Variants in GSTT4 observed in about 807,000 individuals in gnomAD.
GSTT4 encodes glutathione S-transferase theta-4.
At position 23,998,436 on chromosome 22, in the gene GSTT4, A is replaced by G. The variant is rs2034143552; in HGVS notation, c.*106T>C. 6.7e-6 allele frequency: 1 copy of G among 148,992 alleles called. No individual in the cohort carries two copies. The highest frequency in any genetic ancestry group is 1.5e-5 in the Non-Finnish European group (1 of 67,054). The allele number at this position is 148,992 out of a possible 1,614,324, so 9.2% of individuals were successfully genotyped here. ...TCCAGTTCTTTATTAGGCAAAGAACAGTTGTTTTTTTGTTTTTTTGTTTTT... is the reference window on the plus strand; with the variant it reads ...TCCAGTTCTTTATTAGGCAAAGAACGGTTGTTTTTTTGTTTTTTTGTTTTT... On this transcript the variant is annotated 3_prime_UTR_variant, in exon 5 of 5. Coordinates refer to ENST00000621179, the MANE Select transcript of GSTT4 (RefSeq NM_001358664.2).
chr22:24,002,521 C>A (rs1330030705), intron 2 of GSTT4, among the ~76,000 whole-genome samples: 2 of 152,256 alleles, frequency 1.3e-5, no homozygotes, highest in African/African-American at 4.8e-5. Context: ...GGAGAGACAG[C>A]AACTGGCTGC....
chr22:23,999,858 C>G (rs1172156394), intron 4 of GSTT4, among the ~76,000 whole-genome samples: 3 of 152,042 alleles, frequency 2.0e-5, no homozygotes, highest in Non-Finnish European at 4.4e-5. Flanking sequence ...GAATCTTTGT[C>G]AAGTGTGGAG....
the GSTT4 span, chr22:23,991,197 CAT>C: frequency 1.0e-5 from 1 of 97,254 alleles, no homozygotes; most frequent in African/African-American, 3.2e-5. Context: ...AAAATAATAA[CAT>C]AGATAATTAT....
intron 2 of GSTT4, among the ~76,000 whole-genome samples, chr22:24,002,614 G>A (rs8140144): frequency 0.36 from 25,079 of 69,050 alleles, 2,141 homozygotes; most frequent in Middle Eastern, 0.4. Flanking sequence ...GGGGATCATG[G>A]GGTCAGGAGA....
intron 4 of GSTT4, among the ~76,000 whole-genome samples, chr22:23,999,199 C>T (rs1051613422): frequency 1.3e-5 from 2 of 150,892 alleles, no homozygotes; most frequent in Non-Finnish European, 3.0e-5. Context: ...CGCTGGCTTA[C>T]TAAGAGTTTG....
At chr22:23,992,731 A>T in the GSTT4 span, among the ~76,000 whole-genome samples, 1 of 151,768 alleles carries the variant, frequency 6.6e-6, no homozygotes, top group African/African-American at 2.4e-5. Flanking sequence ...GTTGTTCTCC[A>T]GTCTCCCAGC....
chr22:23,997,334 G>A (rs535148591), downstream of GSTT4, among the ~76,000 whole-genome samples: 95 of 151,890 alleles, frequency 6.3e-4, 1 homozygote, highest in Admixed American at 1.6e-3. Flanking sequence ...CTCCCACCTC[G>A]GCCACCCAGT....
At chr22:23,996,265 T>A (rs2034114063), downstream of GSTT4, among the ~76,000 whole-genome samples, 1 of 152,138 alleles carries the variant, frequency 6.6e-6, no homozygotes, top group African/African-American at 2.4e-5. Flanking sequence ...TTAGCTCTAA[T>A]GGTTTTTAAG....
chr22:23,995,804 CT>C (rs1273454219), downstream of GSTT4, among the ~76,000 whole-genome samples: 5 of 152,124 alleles, frequency 3.3e-5, no homozygotes, highest in Admixed American at 6.5e-5. Flanking sequence ...TGTTGCTTTT[CT>C]TTGGTTAAAT....
At chr22:23,991,585 C>T in the GSTT4 span, among the ~76,000 whole-genome samples, 2 of 82,484 alleles carry the variant, frequency 2.4e-5, no homozygotes, top group Non-Finnish European at 5.4e-5. Context: ...GAGGGATGGG[C>T]AGGAACTGCT....
the GSTT4 span, among the ~76,000 whole-genome samples, chr22:23,992,241 A>G: frequency 7.2e-6 from 1 of 138,124 alleles, no homozygotes; most frequent in Non-Finnish European, 1.6e-5. Context: ...TATTTGTTAC[A>G]CTCTAGCTAA....
rs1188018805 is a variant in GSTT4 at position 23,998,530 on chromosome 22, C to T, written c.*12G>A. On this transcript the variant is annotated 3_prime_UTR_variant, in exon 5 of 5. Coordinates refer to ENST00000621179, the MANE Select transcript of GSTT4 (RefSeq NM_001358664.2). ...AGCCAGCCAGGCCCTGCGGGACAGGCTGCGCCTAGGGTCACCTGCTCTTCT... is the reference window on the plus strand; with the variant it reads ...AGCCAGCCAGGCCCTGCGGGACAGGTTGCGCCTAGGGTCACCTGCTCTTCT... 7.4e-6 allele frequency: 1 copy of T among 134,992 alleles called. No homozygotes were observed. The highest frequency in any genetic ancestry group is 1.7e-5 in the Non-Finnish European group (1 of 60,462). 8.4% of individuals were successfully genotyped at this position (134,992 alleles called of 1,614,324 possible). A position where few individuals can be genotyped will look rare whatever the true frequency, so the allele number is the denominator to read the frequency against.
downstream of GSTT4, among the ~76,000 whole-genome samples, chr22:23,993,862 TC>T (rs2034091078): frequency 2.2e-5 from 2 of 91,230 alleles, no homozygotes; most frequent in African/African-American, 7.6e-5. Flanking sequence ...CATATCATGT[TC>T]TGATACCTGG....
downstream of GSTT4, among the ~76,000 whole-genome samples, chr22:23,996,513 A>G (rs1321616631): frequency 6.6e-6 from 1 of 152,182 alleles, no homozygotes; most frequent in Non-Finnish European, 1.5e-5. Context: ...CAAGTTGAGG[A>G]AGTTCCTTTC....
downstream of GSTT4, among the ~76,000 whole-genome samples, chr22:23,994,157 C>T (rs1198405998): frequency 6.8e-6 from 1 of 146,004 alleles, no homozygotes; most frequent in Non-Finnish European, 1.5e-5. Context: ...AAAAAAGAGC[C>T]ACAATTTATG....
downstream of GSTT4, among the ~76,000 whole-genome samples, chr22:23,996,044 G>C (rs539556354): frequency 6.6e-6 from 1 of 151,936 alleles, no homozygotes; most frequent in Non-Finnish European, 1.5e-5. Context: ...CCTGGGCTCT[G>C]GTGATTCTCC....
chr22:23,999,858 C>T (rs1172156394), intron 4 of GSTT4, among the ~76,000 whole-genome samples: 1 of 152,162 alleles, frequency 6.6e-6, no homozygotes, highest in East Asian at 1.9e-4. Context: ...GAATCTTTGT[C>T]AAGTGTGGAG....
chr22:24,002,065 T>C, intron 2 of GSTT4, among the ~76,000 whole-genome samples: 1 of 151,046 alleles, frequency 6.6e-6, no homozygotes, highest in Non-Finnish European at 1.5e-5. Flanking sequence ...GAAAAGAGAG[T>C]AGGGGGTTGC....
chr22:24,000,679 G>A (rs770886951), intron 3 of GSTT4, among the ~76,000 whole-genome samples: 7 of 140,978 alleles, frequency 5.0e-5, no homozygotes, highest in East Asian at 4.3e-4. Flanking sequence ...CTGCCTCAGC[G>A]TCCTGAGTAG....
Sources: gnomAD v4.1 joint callset for allele counts (sites outside exome capture counted in the v4.1 genomes callset) on GRCh38, gnomAD v4.1.1 for gene constraint, MANE v1.5 for transcripts, NCBI Gene and HGNC (gene_info 2026-07-23, HGNC 2026-07-21) for gene names.